TARS2: variants seen among roughly 807,000 people sequenced by gnomAD.
TARS2 encodes the protein threonine--tRNA ligase, mitochondrial.
TARS2 carries 61 observed loss-of-function variants against 94.4 expected under a neutral mutation model. The observed-to-expected ratio is 0.65, with a 90% CI of 0.53 to 0.80. TARS2 has a LOEUF of 0.80. Ranked by LOEUF, TARS2 falls within the 30% of genes least tolerant of loss-of-function variation. TARS2 has a pLI of 0.00. For missense variants in TARS2, 704 were observed against 902.5 expected, an observed-to-expected ratio of 0.78 and a Z score of 2.82; for synonymous variants, 359 against 353.4, an observed-to-expected ratio of 1.02 and a Z score of -0.18.
In TARS2 at chr1:150,504,320, A is replaced by G. The variant is rs1227889884; in HGVS notation, c.1618-15A>G. The G allele has an allele frequency of 1.2e-6, 2 of 1,613,616 alleles. No individual in the cohort carries two copies. The highest frequency in any genetic ancestry group is 1.7e-6 in the Non-Finnish European group (2 of 1,179,796). The stretch of plus-strand genomic sequence containing the variant: ...CTTCTGGCTTATCTCGTGCCTTCCC[A>G]TCTGTTTCCTGTAGATTGACGTGCA... On this transcript the variant is annotated splice_polypyrimidine_tract_variant and intron_variant, in intron 13 of 17. Coordinates refer to ENST00000369064, the MANE Select transcript of TARS2 (RefSeq NM_025150.5).
intron 3 of TARS2, among the ~76,000 whole-genome samples, chr1:150,489,959 T>C (rs1245923460): frequency 1.3e-5 from 2 of 151,838 alleles, no homozygotes; most frequent in Non-Finnish European, 2.9e-5. Context: ...AAAATTATTC[T>C]GAAGCCCTAA....
chr1:150,494,773 C>T (rs1325469222), intron 7 of TARS2, among the ~76,000 whole-genome samples: 1 of 151,982 alleles, frequency 6.6e-6, no homozygotes, highest in Non-Finnish European at 1.5e-5. Context: ...CGTGGTGGCT[C>T]ACGCCTGTAA....
chr1:150,503,585 A>ATGTGTGTGTGTG (rs1180611628), intron 13 of TARS2, among the ~76,000 whole-genome samples: 1 of 137,110 alleles, frequency 7.3e-6, no homozygotes, highest in Admixed American at 7.2e-5. Context: ...GTGTATATAT[A>ATGTGTGTGTGTG]TGTGTGTGTG....
At chr1:150,488,926 C>G (rs895250903) in intron 2 of TARS2, 38 bp from the exon 3 acceptor site, 26 of 1,602,028 alleles carry the variant, frequency 1.6e-5, no homozygotes, top group African/African-American at 2.7e-5. Context: ...GCCTTGTAAC[C>G]CTGTCTTTTT....
chr1:150,503,583 A>ATC (rs1367371733), intron 13 of TARS2, among the ~76,000 whole-genome samples: 1 of 92,004 alleles, frequency 1.1e-5, no homozygotes. Flanking sequence ...GTGTGTATAT[A>ATC]TATGTGTGTG....
chr1:150,506,563 CTAA>C (rs1670227934), intron 17 of TARS2, among the ~76,000 whole-genome samples: 1 of 132,206 alleles, frequency 7.6e-6, no homozygotes, highest in Non-Finnish European at 1.6e-5. Flanking sequence ...CTGCTTGACT[CTAA>C]TGTCTCTGAC....
At chr1:150,498,431 ATTGGGT>A in intron 10 of TARS2, 65 bp from the exon 11 acceptor site, 1 of 1,495,264 alleles carries the variant, frequency 6.7e-7, no homozygotes, top group Non-Finnish European at 8.9e-7. Flanking sequence ...AGGCAAGCAG[ATTGGGT>A]GGAGGAGCAG....
Position 150,499,037 on chromosome 1 carries a change from G to A in TARS2, c.1539+3G>A, listed in dbSNP as rs374028387. 1 of 1,614,046 alleles carries A rather than the reference G, an allele frequency of 6.2e-7. No homozygotes were observed. Among genetic ancestry groups the A allele is most frequent in the Non-Finnish European group, 8.5e-7 (1 of 1,180,026 alleles). ...GCCTTTGGGACCAGGCCGAACAGGT[G>A]AGTAGGAGGTAGAGAAATAGAGGCA... is the stretch of plus-strand genomic sequence containing the variant. On this transcript the variant is annotated splice_donor_region_variant and intron_variant, in intron 12 of 17. Transcript: ENST00000369064.
intron 13 of TARS2, among the ~76,000 whole-genome samples, chr1:150,503,585 A>ATATATATATG (rs1461714331): frequency 1.5e-5 from 2 of 137,110 alleles, no homozygotes; most frequent in African/African-American, 5.8e-5. Flanking sequence ...GTGTATATAT[A>ATATATATATG]TGTGTGTGTG....
At chr1:150,503,902 CAAAA>C (rs1285986585) in intron 13 of TARS2, among the ~76,000 whole-genome samples, 3 of 63,772 alleles carry the variant, frequency 4.7e-5, no homozygotes, top group African/African-American at 5.8e-5. Context: ...GACTCTGTCT[CAAAA>C]AAAAAAAAAA....
chr1:150,504,669 C>G lies in TARS2; in HGVS notation c.1756C>G (p.Arg586Gly). The G allele has an allele frequency of 6.2e-7, 1 of 1,614,050 alleles. No individual in the cohort carries two copies. Among genetic ancestry groups the G allele is most frequent in the Non-Finnish European group, 8.5e-7 (1 of 1,179,978 alleles). ...CCTGGAGCGTCCAGTCCTCATTCAC[C>G]GAGCAGTGCTCGGTTCTGTGGAAAG... ...GALERPVLIH[R>G]AVLGSVERLL... The change falls in exon 15 of 18, where the codon CGA becomes GGA. Residue 586 changes from arginine to glycine, a missense_variant. Around this residue, in one of 3 missense-constraint regions of TARS2, gnomAD observed 466 missense variants for 609.5 expected, o/e 0.76. Coordinates refer to ENST00000369064, the MANE Select transcript of TARS2 (RefSeq NM_025150.5).
At chr1:150,488,183 G>A in intron 2 of TARS2, 129 bp downstream of exon 2, 2 of 1,154,228 alleles carry the variant, frequency 1.7e-6, no homozygotes, top group Non-Finnish European at 1.2e-6. Context: ...CTTTCCTGAA[G>A]ATTTTGTTTT....
Position 150,490,590 on chromosome 1 carries a change from T to C in TARS2, c.388-11T>C, listed in dbSNP as rs769632292. 4.3e-6 allele frequency: 7 copies of C among 1,610,494 alleles called. No individual in the cohort carries two copies. The highest frequency in any genetic ancestry group is 5.9e-6 in the Non-Finnish European group (7 of 1,179,014). ...TTTATGAACTTGTGAACCCCTTTTT[T>C]GTGAACCCAGGTGTTCTGGCACTCC... On this transcript the variant is annotated splice_polypyrimidine_tract_variant and intron_variant, in intron 3 of 17. Coordinates refer to ENST00000369064, the MANE Select transcript of TARS2 (RefSeq NM_025150.5).
intron 12 of TARS2, 51 bp downstream of exon 12, chr1:150,499,085 A>G (rs1002710170): frequency 3.7e-6 from 6 of 1,613,636 alleles, no homozygotes; most frequent in Non-Finnish European, 5.1e-6. Flanking sequence ...TCTGGTGGGA[A>G]GGAGTGGAGA....
In TARS2 at chr1:150,491,054, C is replaced by CAA. The variant is rs66499095; in HGVS notation, c.513-331_513-330dup. Among the ~76,000 whole-genome samples, 7,132 of 129,904 alleles carry CAA rather than the reference C, an allele frequency of 0.055. 420 individuals carry two copies. Among genetic ancestry groups the CAA allele is most frequent in the African/African-American group, 0.14 (5,414 of 39,430 alleles). The allele number at this position is 129,904 out of a possible 152,430, so 85.2% of individuals were successfully genotyped here. Reference sequence around the variant, plus strand: ...TGTGTGACACAGCAAGACACTTTCTCAAAAAAAAAACAAAAAGAAAAAGAA... The same window carrying CAA: ...TGTGTGACACAGCAAGACACTTTCTCAAAAAAAAAAAACAAAAAGAAAAAGAA... On this transcript the variant is annotated intron_variant, in intron 4 of 17. Transcript: ENST00000369064.
At chr1:150,493,203 G>A (rs587713279) in intron 7 of TARS2, among the ~76,000 whole-genome samples, 1 of 152,208 alleles carries the variant, frequency 6.6e-6, no homozygotes, top group African/African-American at 2.4e-5. Context: ...GAATACAGGA[G>A]AAAGAAACTT....
chr1:150,499,373 T>A, intron 13 of TARS2, 80 bp downstream of exon 13: 1 of 1,075,670 alleles, frequency 9.3e-7, no homozygotes, highest in South Asian at 1.6e-5. Context: ...ATACAAAGAA[T>A]TTTTTTTTTT....
intron 16 of TARS2, among the ~76,000 whole-genome samples, 156 bp from the exon 17 acceptor site, chr1:150,505,435 G>A (rs1670158254): frequency 6.6e-6 from 1 of 152,170 alleles, no homozygotes; most frequent in Non-Finnish European, 1.5e-5. Flanking sequence ...CCTCAATGTG[G>A]AGATGAAATG....
At chr1:150,505,090 A>C (rs117662013) in intron 16 of TARS2, 112 bp downstream of exon 16, 53 of 1,068,580 alleles carry the variant, frequency 5.0e-5, no homozygotes, top group Non-Finnish European at 5.5e-6. Flanking sequence ...CACAGCCCTC[A>C]CAGCCACAAG....
Sources: allele counts gnomAD v4.1 joint callset (sites outside exome capture counted in the v4.1 genomes callset), GRCh38; gene constraint gnomAD v4.1.1; regional missense constraint gnomAD v4.1.1; transcripts MANE v1.5; gene names NCBI Gene and HGNC (gene_info 2026-07-23, HGNC 2026-07-21).